GRAMD2B: variants seen among roughly 807,000 people sequenced by gnomAD.
GRAMD2B encodes the protein GRAM domain containing 2B, also known as GRAM domain-containing protein 2B.
In GRAMD2B, 41 loss-of-function variants were observed where a neutral mutation model predicts 59.2. The observed-to-expected ratio is 0.69, with a 90% confidence interval of 0.54 to 0.90. The LOEUF is 0.90. Among genes scored for constraint, GRAMD2B ranks in the 40% least tolerant of loss-of-function variants. GRAMD2B has a pLI of 0.00. For synonymous variants in GRAMD2B, 161 were observed against 182.7 expected (o/e 0.88, Z 0.96); for missense variants, 424 against 500.5 (o/e 0.85, Z 1.46).
intron 1 of GRAMD2B, among the ~76,000 whole-genome samples, chr5:126,415,622 G>A (rs1218828511): frequency 6.6e-6 from 1 of 152,120 alleles, no homozygotes. Context: ...TAAATCTGTG[G>A]CTACTTGAGA....
At chr5:126,425,798 T>G (rs1760516651) in intron 1 of GRAMD2B, among the ~76,000 whole-genome samples, 1 of 152,044 alleles carries the variant, frequency 6.6e-6, no homozygotes, top group African/African-American at 2.4e-5. Flanking sequence ...AAAAATAAAT[T>G]TAGAAGTTGG....
intron 1 of GRAMD2B, among the ~76,000 whole-genome samples, chr5:126,372,279 A>C (rs1393555274): frequency 1.3e-5 from 2 of 152,204 alleles, no homozygotes; most frequent in African/African-American, 2.4e-5. Flanking sequence ...TATTCAAAAG[A>C]AAGTTTTTCA....
intron 1 of GRAMD2B, among the ~76,000 whole-genome samples, chr5:126,400,194 C>A (rs1009553844): frequency 1.3e-5 from 2 of 151,550 alleles, no homozygotes; most frequent in African/African-American, 2.4e-5. Context: ...CAAATGATAA[C>A]CAAAAGAAAG....
At chr5:126,448,635 C>G (rs1764783319) in intron 1 of GRAMD2B, among the ~76,000 whole-genome samples, 1 of 151,952 alleles carries the variant, frequency 6.6e-6, no homozygotes, top group Non-Finnish European at 1.5e-5. Context: ...GTGGTCCAGG[C>G]AGGAGGCATT....
Position 126,437,313 on chromosome 5 carries a change from T to C in GRAMD2B, c.83+13624T>C, listed in dbSNP as rs146046399. The stretch of plus-strand genomic sequence containing the variant: ...AAATTGGAAGGACCAGGTGACGGAA[T>C]GGATTGACAGAGCGAGAAAGCCAGA... On this transcript the variant is annotated intron_variant, in intron 1 of 13. Coordinates refer to ENST00000285689, the MANE Select transcript of GRAMD2B (RefSeq NM_023927.4). Among the ~76,000 whole-genome samples, 5 of 152,278 alleles carry C rather than the reference T, an allele frequency of 3.3e-5. No homozygotes were observed. The East Asian group carries it at 9.6e-4, about 29-fold the overall frequency.
intron 1 of GRAMD2B, among the ~76,000 whole-genome samples, chr5:126,460,703 A>G (rs1256080574): frequency 3.9e-5 from 6 of 152,184 alleles, no homozygotes; most frequent in Non-Finnish European, 7.3e-5. Flanking sequence ...GCCACTGAAT[A>G]GGCAGCACTC....
chr5:126,476,401 A>T (rs905259687), intron 5 of GRAMD2B, among the ~76,000 whole-genome samples: 18 of 152,240 alleles, frequency 1.2e-4, no homozygotes, highest in African/African-American at 4.1e-4. Context: ...GGAAGGGGGA[A>T]GTCAGATCAT....
chr5:126,361,807 G>A (rs575279203), intron 1 of GRAMD2B, among the ~76,000 whole-genome samples: 1 of 152,150 alleles, frequency 6.6e-6, no homozygotes, highest in Non-Finnish European at 1.5e-5. Context: ...TGTCTTTCCT[G>A]TCTGGGTTAA....
At chr5:126,471,957 T>G (rs1769670105) in intron 3 of GRAMD2B, among the ~76,000 whole-genome samples, 1 of 152,204 alleles carries the variant, frequency 6.6e-6, no homozygotes, top group Non-Finnish European at 1.5e-5. Flanking sequence ...CCATTTCTCA[T>G]CAGGGACATC....
At chr5:126,420,706 C>T (rs6893439), upstream of GRAMD2B, among the ~76,000 whole-genome samples, 122,051 of 152,172 alleles carry the variant, frequency 0.8, 49,532 homozygotes, top group East Asian at 0.94. Flanking sequence ...CATAGACTAC[C>T]ATATGACCCA....
intron 13 of GRAMD2B, among the ~76,000 whole-genome samples, chr5:126,489,977 T>G (rs1293350495): frequency 6.6e-6 from 1 of 152,176 alleles, no homozygotes; most frequent in East Asian, 1.9e-4. Flanking sequence ...ACACTCAGTG[T>G]TAGTTAGTAT....
intron 1 of GRAMD2B, among the ~76,000 whole-genome samples, chr5:126,387,004 C>G (rs1406389387): frequency 6.6e-6 from 1 of 152,002 alleles, no homozygotes; most frequent in Non-Finnish European, 1.5e-5. Flanking sequence ...GAGAGCCAAA[C>G]AAAGGGAAAA....
Position 126,484,475 on chromosome 5 carries a change from C to T in GRAMD2B, c.921C>T (p.Ala307=). The T allele has an allele frequency of 6.2e-7, 1 of 1,614,106 alleles. No homozygotes were observed. The highest frequency in any genetic ancestry group is 1.1e-5 in the South Asian group (1 of 91,070). ...KGEAKPTRAD[A]HVNRVPEGKA... Reference sequence around the variant, plus strand: ...AAGCAAAGCCAACTCGGGCAGATGCCCATGTGAACAGAGTACCTGAAGGAA... The same window carrying T: ...AAGCAAAGCCAACTCGGGCAGATGCTCATGTGAACAGAGTACCTGAAGGAA... The change falls in exon 10 of 14, where the codon GCC becomes GCT. Residue 307 remains alanine (A), a synonymous_variant. Transcript: ENST00000285689.
intron 2 of GRAMD2B, among the ~76,000 whole-genome samples, chr5:126,468,727 G>A (rs188194647): frequency 5.3e-5 from 8 of 151,994 alleles, no homozygotes; most frequent in Non-Finnish European, 1.0e-4. Context: ...ACCTCAGGTG[G>A]TCCGCCCACC....
intron 1 of GRAMD2B, among the ~76,000 whole-genome samples, chr5:126,441,083 A>G (rs1763206374): frequency 6.6e-6 from 1 of 151,644 alleles, no homozygotes; most frequent in Non-Finnish European, 1.5e-5. Flanking sequence ...CTTTTTTTTC[A>G]TGGTGTTGGT....
In GRAMD2B at chr5:126,485,753, T is replaced by C; in HGVS notation, c.1038T>C (p.Ile346=). The change falls in exon 11 of 14, where the codon ATT becomes ATC. Residue 346 remains isoleucine, a synonymous_variant. Transcript: ENST00000285689. The part of the protein sequence containing the change: ...KSQKCPMLHH[I]LIFYAIVVCA... The stretch of plus-strand genomic sequence containing the variant: ...AGAAATGTCCGATGCTTCACCATAT[T>C]CTTATATTCTATGCAATTGTGTAAG... 1 of 1,606,882 alleles carries C rather than the reference T, an allele frequency of 6.2e-7. No individual in the cohort carries two copies. The highest frequency in any genetic ancestry group is 8.5e-7 in the Non-Finnish European group (1 of 1,174,698).
intron 5 of GRAMD2B, among the ~76,000 whole-genome samples, chr5:126,475,884 G>A (rs767153278): frequency 2.0e-4 from 30 of 152,280 alleles, no homozygotes; most frequent in Middle Eastern, 3.4e-3. Flanking sequence ...CGAGGCAGGC[G>A]GATTACCTGA....
chr5:126,368,987 C>T (rs1754602588), upstream of GRAMD2B, among the ~76,000 whole-genome samples: 1 of 152,154 alleles, frequency 6.6e-6, no homozygotes, highest in Non-Finnish European at 1.5e-5. Flanking sequence ...CAGGATAAAG[C>T]TTGAACTAAC....
At chr5:126,418,916 C>T (rs1373835259), upstream of GRAMD2B, among the ~76,000 whole-genome samples, 2 of 152,144 alleles carry the variant, frequency 1.3e-5, no homozygotes, top group Non-Finnish European at 2.9e-5. Flanking sequence ...AATTCTTTTA[C>T]TTATAAAATA....
Sources: gnomAD v4.1 joint callset for allele counts (sites outside exome capture counted in the v4.1 genomes callset) on GRCh38, gnomAD v4.1.1 for gene constraint, MANE v1.5 for transcripts, NCBI Gene and HGNC (gene_info 2026-07-23, HGNC 2026-07-21) for gene names.